CREBBP: variants seen among roughly 807,000 people sequenced by gnomAD.
The protein encoded by CREBBP is CREB-binding protein.
A neutral mutation model predicts 265.0 loss-of-function variants in CREBBP; 19 were observed. The observed-to-expected ratio is 0.07, with a 90% CI of 0.05 to 0.11. The LOEUF (loss-of-function observed/expected upper bound fraction) is 0.11, where lower values mean the gene tolerates loss of function less well. CREBBP is among the 10% of genes least tolerant of loss of function. CREBBP has a pLI of 1.00. For missense variants in CREBBP, 2,525 were observed against 3,219.0 expected, an observed-to-expected ratio of 0.78 and a Z score of 5.22; for synonymous variants, 1,457 against 1,223.7, an observed-to-expected ratio of 1.19 and a Z score of -3.98.
rs1233544107 is a variant in CREBBP, at chr16:3,728,357, C to T, written c.6690G>A (p.Gln2230=). The change falls in exon 31 of 31, where the codon CAG becomes CAA. Residue 2230 remains glutamine, a synonymous_variant. Transcript: ENST00000262367. This position sits in a 1 kb window ranked among gnomAD's most constrained non-coding sequence, Gnocchi z 8.7. The part of the protein sequence containing the change: ...GMAGGMAGHG[Q]FQQPQGPGGY... ...CTCCGGGTCCTTGAGGCTGCTGGAA[C>T]TGGCCGTGCCCCGCCATGCCCCCAG... 6.2e-7 allele frequency: 1 copy of T among 1,609,526 alleles called. No homozygotes were observed.
rs71133657 is a variant in CREBBP at position 3,802,114 on chromosome 16, A to ATTTTTTTTTTTTTTTTTTTTTTTTTT, written c.975+8463_975+8488dup. On this transcript the variant is annotated intron_variant, in intron 3 of 30. Transcript: ENST00000262367. The stretch of plus-strand genomic sequence containing the variant: ...TTTATATTTACTCTGGTATTCCTTA[A>ATTTTTTTTTTTTTTTTTTTTTTTTTT]TTTTTTTTTTTTTTTTTTTTTTTTT... Among the ~76,000 whole-genome samples the ATTTTTTTTTTTTTTTTTTTTTTTTTT allele has an allele frequency of 4.0e-5, 2 of 50,580 alleles. 1 individual carries two copies. Among genetic ancestry groups the ATTTTTTTTTTTTTTTTTTTTTTTTTT allele is most frequent in the African/African-American group, 1.9e-4 (2 of 10,782 alleles). 33.2% of individuals were successfully genotyped at this position (50,580 alleles called of 152,430 possible).
intron 3 of CREBBP, among the ~76,000 whole-genome samples, chr16:3,808,750 C>A (rs1360842565): frequency 6.6e-6 from 1 of 152,226 alleles, no homozygotes; most frequent in Non-Finnish European, 1.5e-5. Context: ...GTTTCCCTGA[C>A]TGTAAAACAC....
chr16:3,770,185 G>C (rs762048548), intron 14 of CREBBP, among the ~76,000 whole-genome samples: 2 of 150,986 alleles, frequency 1.3e-5, no homozygotes, highest in Non-Finnish European at 3.0e-5. Context: ...GGAGTTTTAA[G>C]TAAACAAACA....
At chr16:3,756,828 A>T (rs1445542426) in intron 19 of CREBBP, among the ~76,000 whole-genome samples, 1 of 152,206 alleles carries the variant, frequency 6.6e-6, no homozygotes, top group Non-Finnish European at 1.5e-5. Flanking sequence ...AACCTTTATC[A>T]GAGTTACTCT....
rs764944722 is a variant in CREBBP at position 3,879,977 on chromosome 16, G to C, written c.-61C>G. 6.6e-7 allele frequency: 1 copy of C among 1,508,200 alleles called. No individual in the cohort carries two copies. Among genetic ancestry groups the C allele is most frequent in the East Asian group, 2.4e-5 (1 of 41,402 alleles). The allele number at this position is 1,508,200 out of a possible 1,614,324, so 93.4% of individuals were successfully genotyped here. On this transcript the variant is annotated 5_prime_UTR_variant, in exon 1 of 31. Transcript: ENST00000262367. ...CGGCCGGGCCGGCGAGGGCCCGGAC[G>C]GGGGTCGGGGGCCCTGCCGGCTGCG... is the stretch of plus-strand genomic sequence containing the variant.
intron 1 of CREBBP, among the ~76,000 whole-genome samples, chr16:3,874,899 C>A (rs1056490783): frequency 6.6e-6 from 1 of 152,228 alleles, no homozygotes; most frequent in Non-Finnish European, 1.5e-5. Context: ...ACTAAACTGA[C>A]AAGCTTTTGC....
intron 5 of CREBBP, among the ~76,000 whole-genome samples, chr16:3,786,150 G>C (rs2141262764): frequency 6.6e-6 from 1 of 152,312 alleles, no homozygotes; most frequent in Non-Finnish European, 1.5e-5. Context: ...ATCACTTGAG[G>C]TCAGGAGTTC....
intron 3 of CREBBP, among the ~76,000 whole-genome samples, chr16:3,802,751 C>T (rs969170898): frequency 2.0e-5 from 3 of 150,498 alleles, no homozygotes; most frequent in East Asian, 2.0e-4. Flanking sequence ...GCCAATGCCC[C>T]GGATCCACAC....
chr16:3,745,226 C>T (rs751795244), intron 22 of CREBBP, 51 bp downstream of exon 22: 24 of 1,536,160 alleles, frequency 1.6e-5, no homozygotes, highest in East Asian at 4.6e-5. Context: ...GCAACTGCCC[C>T]GCCACTGGCT....
In CREBBP at chr16:3,726,243, G is replaced by A. The variant is rs567290539; in HGVS notation, c.*1475C>T. On this transcript the variant is annotated 3_prime_UTR_variant, in exon 31 of 31. Transcript: ENST00000262367. ...TCAGATTCTGGGAGTCGTGTACGGG[G>A]GGGGGGAGCCGCCTGAACACGGGAA... is the stretch of plus-strand genomic sequence containing the variant. 5.2e-5 allele frequency: 12 copies of A among 232,788 alleles called. No individual in the cohort carries two copies. The South Asian group carries it at 1.6e-3, about 32-fold the overall frequency. 14.4% of individuals were successfully genotyped at this position (232,788 alleles called of 1,614,324 possible).
rs573418837 is a variant in CREBBP at position 3,837,856 on chromosome 16, T to C, written c.798+12441A>G. Among the ~76,000 whole-genome samples the C allele has an allele frequency of 7.2e-5, 11 of 152,300 alleles. No individual in the cohort carries two copies. In the East Asian group the frequency reaches 2.1e-3, roughly 29 times the overall value. On this transcript the variant is annotated intron_variant, in intron 2 of 30. Transcript: ENST00000262367. Reference sequence around the variant, plus strand: ...ATAAATTTAGCATGGCCTAAGTATATAGTGTTTATAAAGTCTATAGCAGTG... The same window carrying C: ...ATAAATTTAGCATGGCCTAAGTATACAGTGTTTATAAAGTCTATAGCAGTG...
At chr16:3,774,017 A>G in intron 12 of CREBBP, 87 bp from the exon 13 acceptor site, 6 of 1,431,570 alleles carry the variant, frequency 4.2e-6, no homozygotes, top group Non-Finnish European at 9.8e-7. Flanking sequence ...CCAAGGCTTC[A>G]CAACCCCAGA....
chr16:3,789,345 G>C lies in CREBBP; in HGVS notation c.1330+2636C>G, dbSNP rs76928498. Among the ~76,000 whole-genome samples, 9 of 152,296 alleles carry C rather than the reference G, an allele frequency of 5.9e-5. No individual in the cohort carries two copies. In the East Asian group the frequency reaches 1.5e-3, roughly 26 times the overall value. The stretch of plus-strand genomic sequence containing the variant: ...GCCCTCACAAGCTGTGCACTGTGCA[G>C]ACACTGTCCCCACTGTCTGAAATGT... On this transcript the variant is annotated intron_variant, in intron 5 of 30. Coordinates refer to ENST00000262367, the MANE Select transcript of CREBBP (RefSeq NM_004380.3).
chr16:3,828,249 T>C (rs749635760), intron 2 of CREBBP, among the ~76,000 whole-genome samples: 1 of 152,136 alleles, frequency 6.6e-6, no homozygotes, highest in South Asian at 2.1e-4. Flanking sequence ...TGTGCCACCA[T>C]GCCCAGCTAA....
rs549775416 is a variant in CREBBP at position 3,727,414 on chromosome 16, C to A, written c.*304G>T. 25 of 333,260 alleles carry A rather than the reference C, an allele frequency of 7.5e-5. No homozygotes were observed. Among genetic ancestry groups the A allele is most frequent in the African/African-American group, 5.4e-4 (25 of 46,434 alleles). The allele number at this position is 333,260 out of a possible 1,614,324, so 20.6% of individuals were successfully genotyped here. A position where few individuals can be genotyped will look rare whatever the true frequency, so the allele number is the denominator to read the frequency against. On this transcript the variant is annotated 3_prime_UTR_variant, in exon 31 of 31. Coordinates refer to ENST00000262367, the MANE Select transcript of CREBBP (RefSeq NM_004380.3). ...TCCCGTTAAAAAAAGGCATGAGTCA[C>A]CAGCAATGACGACAAAAAGAATCCA...
chr16:3,835,832 G>A (rs920813798), intron 2 of CREBBP, among the ~76,000 whole-genome samples: 5 of 151,608 alleles, frequency 3.3e-5, no homozygotes, highest in Admixed American at 6.6e-5. Context: ...CACCCGCCTT[G>A]GCCTCCCAAA....
chr16:3,771,113 G>T, intron 13 of CREBBP, 127 bp from the exon 14 acceptor site: 1 of 979,554 alleles, frequency 1.0e-6, no homozygotes, highest in Non-Finnish European at 1.6e-6. Context: ...TTGTCGCCCA[G>T]GCTGCAATGC....
intron 5 of CREBBP, among the ~76,000 whole-genome samples, chr16:3,789,710 A>T (rs1183276024): frequency 7.0e-6 from 1 of 142,588 alleles, no homozygotes; most frequent in African/African-American, 3.0e-5. Context: ...ATACTTTTGT[A>T]AAAAAAAACT....
At chr16:3,768,136 GTTTTTTTTT>G (rs71133655) in intron 15 of CREBBP, among the ~76,000 whole-genome samples, 1,080 of 51,462 alleles carry the variant, frequency 0.021, 7 homozygotes, top group African/African-American at 0.066. Flanking sequence ...ATTTAAAAGT[GTTTTTTTTT>G]TTTTTTTTTT....
Sources: allele counts gnomAD v4.1 joint callset (sites outside exome capture counted in the v4.1 genomes callset), GRCh38; gene constraint gnomAD v4.1.1; non-coding constraint Gnocchi (gnomAD v3.1); transcripts MANE v1.5; gene names NCBI Gene and HGNC (gene_info 2026-07-23, HGNC 2026-07-21).